The following MACROH2A2 variants were observed in gnomAD, a reference collection of about 807,000 sequenced individuals.
MACROH2A2 encodes macroH2A.2 histone, also known as core histone macro-H2A.2.
Under a neutral mutation model 37.6 loss-of-function variants are expected in MACROH2A2, and 6 were observed. That is an observed-to-expected ratio of 0.16 (90% CI 0.09 to 0.32). MACROH2A2 has a LOEUF of 0.32. Among genes scored for constraint, MACROH2A2 ranks in the 10% least tolerant of loss-of-function variants. The pLI is 1.00. For synonymous variants in MACROH2A2, 192 were observed against 202.7 expected, an observed-to-expected ratio of 0.95 and a Z score of 0.45; for missense variants, 290 against 485.9, an observed-to-expected ratio of 0.60 and a Z score of 3.79.
chr10:70,077,610 C>T (rs575668212), intron 2 of MACROH2A2, among the ~76,000 whole-genome samples: 10 of 152,216 alleles, frequency 6.6e-5, no homozygotes, highest in Admixed American at 3.3e-4. Context: ...CAGTGGCTCA[C>T]GCCTGTAATC....
chr10:70,106,436 T>C (rs1231603366), intron 7 of MACROH2A2, among the ~76,000 whole-genome samples: 1 of 152,210 alleles, frequency 6.6e-6, no homozygotes, highest in African/African-American at 2.4e-5. Context: ...TGAAATGTCA[T>C]CGTGCACTAC....
In MACROH2A2 at chr10:70,065,760, AG is replaced by A. The variant is rs565201008; in HGVS notation, c.-59-9835del. The stretch of plus-strand genomic sequence containing the variant: ...AGGAATCTCAGTAAGAGACAAAGAA[AG>A]GGGGTATTGGGAGAAATAAAGAAAT... On this transcript the variant is annotated intron_variant, in intron 1 of 8. Transcript: ENST00000373255. 2.4e-4 allele frequency among the ~76,000 whole-genome samples: 36 copies of A among 152,228 alleles called. No homozygotes were observed. In the South Asian group the frequency reaches 7.1e-3, roughly 30 times the overall value.
At chr10:70,065,848 A>G (rs2072076286) in intron 1 of MACROH2A2, among the ~76,000 whole-genome samples, 1 of 152,212 alleles carries the variant, frequency 6.6e-6, no homozygotes, top group Non-Finnish European at 1.5e-5. Flanking sequence ...TCCATGTTAT[A>G]AAAGTCTAAG....
intron 5 of MACROH2A2, among the ~76,000 whole-genome samples, chr10:70,095,393 A>C: frequency 6.7e-6 from 1 of 148,154 alleles, no homozygotes; most frequent in East Asian, 2.0e-4. Flanking sequence ...AAGAGAGGGG[A>C]GGCCCTGTTC....
intron 8 of MACROH2A2, 123 bp from the exon 9 acceptor site, chr10:70,111,395 G>A (rs749038361): frequency 5.0e-6 from 4 of 803,456 alleles, no homozygotes; most frequent in African/African-American, 1.7e-5. Flanking sequence ...AGGGTCAAAG[G>A]AGATCATGCA....
intron 7 of MACROH2A2, among the ~76,000 whole-genome samples, chr10:70,102,367 T>G (rs1313222162): frequency 6.6e-6 from 1 of 152,122 alleles, no homozygotes; most frequent in Admixed American, 6.6e-5. Context: ...TGACCCTACA[T>G]GGACATGAGG....
intron 4 of MACROH2A2, 133 bp from the exon 5 acceptor site, chr10:70,093,602 A>G: frequency 1.7e-6 from 1 of 587,408 alleles, no homozygotes; most frequent in Non-Finnish European, 3.1e-6. Context: ...CTCCTTCAAG[A>G]AACAGCAGAA....
At chr10:70,082,478 T>C (rs1391010676) in intron 2 of MACROH2A2, among the ~76,000 whole-genome samples, 1 of 151,652 alleles carries the variant, frequency 6.6e-6, no homozygotes, top group Non-Finnish European at 1.5e-5. Flanking sequence ...CAAACAGATA[T>C]TTGTGCAACC....
At position 70,088,829 on chromosome 10, in the gene MACROH2A2, C is replaced by T. The variant is rs1377211125; in HGVS notation, c.173-1231C>T. 3.3e-5 allele frequency among the ~76,000 whole-genome samples: 5 copies of T among 152,198 alleles called. No homozygotes were observed. The East Asian group carries it at 5.8e-4, about 18-fold the overall frequency. On this transcript the variant is annotated intron_variant, in intron 2 of 8. Coordinates refer to ENST00000373255, the MANE Select transcript of MACROH2A2 (RefSeq NM_018649.3). ...AAGAGGAAAAGGAGAGTCAACCAGG[C>T]GCAGTGGCTCAGGCCTGTAATCCCA...
chr10:70,106,492 A>G lies in MACROH2A2; in HGVS notation c.779-2541A>G, dbSNP rs188325500. Among the ~76,000 whole-genome samples the G allele has an allele frequency of 2.2e-4, 34 of 152,318 alleles. No homozygotes were observed. The East Asian group carries it at 6.0e-3, about 27-fold the overall frequency. On this transcript the variant is annotated intron_variant, in intron 7 of 8. Transcript: ENST00000373255. ...TGATTGGATGTTTGACATTGCCAATAGGAACATATTCCTTTTATTTAAAAA... is the reference window on the plus strand; with the variant it reads ...TGATTGGATGTTTGACATTGCCAATGGGAACATATTCCTTTTATTTAAAAA...
chr10:70,110,874 C>A (rs1480350897), intron 8 of MACROH2A2, among the ~76,000 whole-genome samples: 1 of 151,388 alleles, frequency 6.6e-6, no homozygotes, highest in Non-Finnish European at 1.5e-5. Context: ...AGTGATGGAG[C>A]AAGACTTTGC....
rs1056248736 is a variant in MACROH2A2 at position 70,083,076 on chromosome 10, G to GC, written c.173-6978dup. On this transcript the variant is annotated intron_variant, in intron 2 of 8. Transcript: ENST00000373255. The stretch of plus-strand genomic sequence containing the variant: ...GGATTCCCAGCACCAACAGGGTATA[G>GC]CCCCCCTGCAGGAGGGGGAGAGCTG... Among the ~76,000 whole-genome samples the GC allele has an allele frequency of 2.0e-5, 3 of 151,732 alleles. No individual in the cohort carries two copies. The East Asian group carries it at 5.8e-4, about 29-fold the overall frequency.
Position 70,095,733 on chromosome 10 carries a change from T to C in MACROH2A2, c.668T>C (p.Ile223Thr). The C allele has an allele frequency of 1.9e-6, 3 of 1,576,102 alleles. No homozygotes were observed. Among genetic ancestry groups the C allele is most frequent in the African/African-American group, 1.3e-5 (1 of 74,290 alleles). ...EGIVHPTTAE[I>T]DLKEDIGKAL... ...ATTGTCCACCCAACCACAGCCGAAA[T>C]TGACCTCAAAGAAGATATAGGTAAG... The change falls in exon 6 of 9, where the codon ATT becomes ACT. Residue 223 changes from isoleucine to threonine, a missense_variant. Transcript: ENST00000373255.
chr10:70,102,663 G>C (rs1230561051), intron 7 of MACROH2A2, among the ~76,000 whole-genome samples: 2 of 152,054 alleles, frequency 1.3e-5, no homozygotes, highest in Non-Finnish European at 2.9e-5. Flanking sequence ...GTTGCAGTGA[G>C]CCAAGATCGT....
At chr10:70,085,446 C>CAGTGGGCA (rs2072205394) in intron 2 of MACROH2A2, among the ~76,000 whole-genome samples, 1 of 152,134 alleles carries the variant, frequency 6.6e-6, no homozygotes, top group African/African-American at 2.4e-5. Flanking sequence ...CACTGCCAAG[C>CAGTGGGCA]AGTGGGCAAG....
chr10:70,055,229 C>T (rs1171880960), intron 1 of MACROH2A2, among the ~76,000 whole-genome samples: 3 of 152,106 alleles, frequency 2.0e-5, no homozygotes, highest in Non-Finnish European at 2.9e-5. Flanking sequence ...AACTTGTTAC[C>T]GGGGAGGGAT....
At chr10:70,068,014 A>T (rs2072088746) in intron 1 of MACROH2A2, among the ~76,000 whole-genome samples, 1 of 152,194 alleles carries the variant, frequency 6.6e-6, no homozygotes, top group Non-Finnish European at 1.5e-5. Context: ...CAGAACTGAA[A>T]TTAACCCTTG....
At chr10:70,105,040 T>C (rs773547161) in intron 7 of MACROH2A2, among the ~76,000 whole-genome samples, 4 of 152,226 alleles carry the variant, frequency 2.6e-5, no homozygotes, top group Admixed American at 1.3e-4. Context: ...CGATGCTGCA[T>C]GTTCAGGGAG....
At chr10:70,085,005 A>G (rs1198702285) in intron 2 of MACROH2A2, among the ~76,000 whole-genome samples, 2 of 152,164 alleles carry the variant, frequency 1.3e-5, no homozygotes, top group Admixed American at 6.5e-5. Flanking sequence ...TAGACACTCA[A>G]TACAATTATC....
Sources: gnomAD v4.1 joint callset for allele counts (sites outside exome capture counted in the v4.1 genomes callset) on GRCh38, gnomAD v4.1.1 for gene constraint, MANE v1.5 for transcripts, NCBI Gene and HGNC (gene_info 2026-07-23, HGNC 2026-07-21) for gene names.